Variants in WWC2 observed in about 807,000 individuals in gnomAD.
The protein encoded by WWC2 is WW and C2 domain containing 2.
WWC2 carries 101 observed loss-of-function variants against 138.5 expected under a neutral mutation model. The observed-to-expected ratio is 0.73, with a 90% confidence interval of 0.62 to 0.86. WWC2 has a LOEUF of 0.86. WWC2 is among the 40% of genes least tolerant of loss of function. The pLI, the probability that WWC2 is intolerant of heterozygous loss-of-function variation, is 0.00. For synonymous variants in WWC2, 558 were observed against 538.4 expected (o/e 1.04, Z -0.50); for missense variants, 1,420 against 1,419.4 (o/e 1.00, Z -0.01).
intron 9 of WWC2, among the ~76,000 whole-genome samples, chr4:183,257,831 C>G (rs1737196060): frequency 6.6e-6 from 1 of 152,100 alleles, no homozygotes; most frequent in Non-Finnish European, 1.5e-5. Context: ...AACGGAGGGA[C>G]TGGCCAGGGC....
intron 22 of WWC2, among the ~76,000 whole-genome samples, chr4:183,314,783 A>T (rs1296375781): frequency 1.3e-5 from 2 of 152,174 alleles, no homozygotes; most frequent in Non-Finnish European, 2.9e-5. Context: ...TTTTCCTCTT[A>T]TGAATTGAAC....
At chr4:183,136,348 C>T (rs943340892) in intron 1 of WWC2, among the ~76,000 whole-genome samples, 4 of 152,170 alleles carry the variant, frequency 2.6e-5, no homozygotes, top group African/African-American at 9.7e-5. Flanking sequence ...TTTCACTTCA[C>T]AAATTCTGTC....
intron 1 of WWC2, among the ~76,000 whole-genome samples, chr4:183,189,810 T>C (rs1334111837): frequency 1.3e-5 from 2 of 152,356 alleles, no homozygotes; most frequent in African/African-American, 4.8e-5. Context: ...TGCTTATTCA[T>C]TTAGTGCAGT....
At chr4:183,202,547 A>G (rs1317859978) in intron 2 of WWC2, among the ~76,000 whole-genome samples, 1 of 152,234 alleles carries the variant, frequency 6.6e-6, no homozygotes, top group East Asian at 1.9e-4. Flanking sequence ...GACATCTTGT[A>G]TAAATACATA....
rs550608951 is a variant in WWC2 at position 183,225,609 on chromosome 4, C to G, written c.523-14574C>G. Among the ~76,000 whole-genome samples the G allele has an allele frequency of 7.9e-5, 12 of 152,280 alleles. No individual in the cohort carries two copies. The South Asian group carries it at 2.5e-3, about 32-fold the overall frequency. ...GGGAGTAGCAGACAAAGCCAACCTG[C>G]TGGTAAGACATTTTAAAAATCAAAT... On this transcript the variant is annotated intron_variant, in intron 4 of 22. Transcript: ENST00000403733.
At chr4:183,198,680 A>T (rs1735216788) in intron 2 of WWC2, among the ~76,000 whole-genome samples, 24 of 148,964 alleles carry the variant, frequency 1.6e-4, no homozygotes, top group Admixed American at 1.5e-3. Context: ...GAAGCTGAGC[A>T]TGGTAGCTCT....
At chr4:183,155,161 A>G (rs1733762791) in intron 1 of WWC2, among the ~76,000 whole-genome samples, 1 of 151,328 alleles carries the variant, frequency 6.6e-6, no homozygotes, top group African/African-American at 2.4e-5. Flanking sequence ...ATTTATTTGC[A>G]GCAAGTTCTA....
In WWC2 at chr4:183,271,122, G is replaced by A. The variant is rs766816095; in HGVS notation, c.2443G>A (p.Glu815Lys). Residue 815 changes from glutamate (E) to lysine (K), a missense_variant, in exon 16 of 23, where the codon GAG becomes AAG. Transcript: ENST00000403733. ...ISLADLPFSSEVFTLWYNLLP... is the reference protein window; with the variant it reads ...ISLADLPFSSKVFTLWYNLLP... Reference sequence around the variant, plus strand: ...CCTGGCAGATTTACCATTTTCCAGTGAGGTTTTCACTCTATGGTATAACTT... The same window carrying A: ...CCTGGCAGATTTACCATTTTCCAGTAAGGTTTTCACTCTATGGTATAACTT... 1 of 1,607,986 alleles carries A rather than the reference G, an allele frequency of 6.2e-7. No homozygotes were observed. Among genetic ancestry groups the A allele is most frequent in the Non-Finnish European group, 8.5e-7 (1 of 1,177,102 alleles).
intron 2 of WWC2, among the ~76,000 whole-genome samples, chr4:183,198,361 C>G (rs1735200769): frequency 6.6e-6 from 1 of 152,116 alleles, no homozygotes; most frequent in Non-Finnish European, 1.5e-5. Context: ...TATTGATACA[C>G]ACATGCACAT....
At chr4:183,172,852 T>C (rs1244595159) in intron 1 of WWC2, among the ~76,000 whole-genome samples, 6 of 152,158 alleles carry the variant, frequency 3.9e-5, no homozygotes, top group African/African-American at 1.4e-4. Context: ...ATATTAGACC[T>C]CCTAGATTGG....
At chr4:183,179,463 A>G (rs1734560413) in intron 1 of WWC2, among the ~76,000 whole-genome samples, 1 of 152,164 alleles carries the variant, frequency 6.6e-6, no homozygotes, top group Non-Finnish European at 1.5e-5. Context: ...TAGGAAGTTA[A>G]TCGGGGCAAG....
chr4:183,165,115 A>C (rs1459467912), intron 1 of WWC2, among the ~76,000 whole-genome samples: 1 of 152,064 alleles, frequency 6.6e-6, no homozygotes, highest in Non-Finnish European at 1.5e-5. Flanking sequence ...TACTGGGTAA[A>C]TGCCCATGGG....
At chr4:183,220,618 A>G (rs1004708682) in intron 4 of WWC2, among the ~76,000 whole-genome samples, 1 of 151,910 alleles carries the variant, frequency 6.6e-6, no homozygotes, top group Non-Finnish European at 1.5e-5. Context: ...GCAGATCACA[A>G]GGTCAGGAGA....
rs775161371 is a variant in WWC2 at position 183,261,243 on chromosome 4, G to A, written c.1620G>A (p.Pro540=). Residue 540 remains proline (P), a synonymous_variant, in exon 11 of 23, where the codon CCG becomes CCA. Coordinates refer to ENST00000403733, the MANE Select transcript of WWC2 (RefSeq NM_024949.6). ...TGHTPPLAEA[P]KSVASLSSRS... ...ACACTCCTCCACTGGCTGAGGCCCC[G>A]AAGTCTGTGGCCTCCCTGTCCTCGA... 1.1e-5 allele frequency: 17 copies of A among 1,612,526 alleles called. No homozygotes were observed. The highest frequency in any genetic ancestry group is 3.3e-5 in the South Asian group (3 of 90,790).
chr4:183,133,613 C>A (rs1406933119), intron 1 of WWC2, among the ~76,000 whole-genome samples: 1 of 152,148 alleles, frequency 6.6e-6, no homozygotes, highest in Non-Finnish European at 1.5e-5. Flanking sequence ...TCTCCTGCCT[C>A]AGCCTCCCGA....
At chr4:183,130,842 C>T (rs928026085) in intron 1 of WWC2, among the ~76,000 whole-genome samples, 1 of 152,188 alleles carries the variant, frequency 6.6e-6, no homozygotes, top group Admixed American at 6.5e-5. Flanking sequence ...TGGGCATTCT[C>T]CTCTACCTCC....
At chr4:183,238,835 T>C (rs1180649277) in intron 4 of WWC2, among the ~76,000 whole-genome samples, 1 of 152,192 alleles carries the variant, frequency 6.6e-6, no homozygotes, top group Non-Finnish European at 1.5e-5. Flanking sequence ...GATTATTTGC[T>C]CAATATCTGG....
At position 183,245,449 on chromosome 4, in the gene WWC2, G is replaced by A. The variant is rs1343865373; in HGVS notation, c.636G>A (p.Gly212=). ...AAAAAATGTCTGGAGGCCAGAGCGG[G>A]TATGAACTCAGTGAAGCCAAAGCCA... is the stretch of plus-strand genomic sequence containing the variant. The part of the protein sequence containing the change: ...IDKKMSGGQS[G]YELSEAKAIL... Residue 212 remains glycine, a synonymous_variant, in exon 6 of 23, where the codon GGG becomes GGA. Transcript: ENST00000403733. 1.3e-6 allele frequency: 2 copies of A among 1,599,284 alleles called. No homozygotes were observed. Among genetic ancestry groups the A allele is most frequent in the Admixed American group, 1.8e-5 (1 of 56,698 alleles).
At chr4:183,128,510 G>T (rs187955166) in intron 1 of WWC2, among the ~76,000 whole-genome samples, 109 of 152,292 alleles carry the variant, frequency 7.2e-4, no homozygotes, top group African/African-American at 2.5e-3. Context: ...GCAAGATCCT[G>T]TCTTAAAAAG....
Sources: allele counts gnomAD v4.1 joint callset (sites outside exome capture counted in the v4.1 genomes callset), GRCh38; gene constraint gnomAD v4.1.1; transcripts MANE v1.5; gene names NCBI Gene and HGNC (gene_info 2026-07-23, HGNC 2026-07-21).